CHAF1A: variants seen among roughly 807,000 people sequenced by gnomAD.
The protein encoded by CHAF1A is chromatin assembly factor 1 subunit A, also known as CAF-1 subunit A.
In CHAF1A, 5 loss-of-function variants were observed where a neutral mutation model predicts 93.2. The ratio of observed to expected loss-of-function variants is 0.05; its 90% CI spans 0.03 to 0.11. CHAF1A has a LOEUF of 0.11. Ranked by LOEUF, CHAF1A falls within the 10% of genes least tolerant of loss-of-function variation. The pLI, the probability that CHAF1A is intolerant of heterozygous loss-of-function variation, is 1.00. For missense variants in CHAF1A, 1,102 were observed against 1,259.9 expected (o/e 0.87, Z 1.90); for synonymous variants, 504 against 510.3 (o/e 0.99, Z 0.17).
chr19:4,409,452 C>T lies in CHAF1A; in HGVS notation c.653C>T (p.Pro218Leu). Residue 218 changes from proline (P) to leucine (L), a missense_variant, in exon 3 of 15, where the codon CCC (proline) becomes CTC (leucine). Pro to Leu is a moderately conservative substitution (Grantham distance 98). Coordinates refer to ENST00000301280, the MANE Select transcript of CHAF1A (RefSeq NM_005483.3). ...CTGACGAGTGGCCCGAGAATGTGCC[C>T]CAGAAAGGAGCAGGACAGTTGGAGT... ...PELTSGPRMC[P>L]RKEQDSWSEA... is the part of the protein sequence containing the mutation. The T allele has an allele frequency of 2.5e-6, 4 of 1,614,066 alleles. No homozygotes were observed. Among genetic ancestry groups the T allele is most frequent in the Non-Finnish European group, 3.4e-6 (4 of 1,179,994 alleles).
At chr19:4,419,474 G>C (rs1418454114) in intron 4 of CHAF1A, among the ~76,000 whole-genome samples, 2 of 151,914 alleles carry the variant, frequency 1.3e-5, no homozygotes, top group Non-Finnish European at 2.9e-5. Flanking sequence ...CTGTTGCCCA[G>C]GCTGGAGTGT....
At chr19:4,411,805 G>A (rs367989081) in intron 3 of CHAF1A, among the ~76,000 whole-genome samples, 139 of 151,594 alleles carry the variant, frequency 9.2e-4, no homozygotes, top group Middle Eastern at 3.4e-3. Flanking sequence ...CCACCACCAC[G>A]CCTGGCTAAT....
chr19:4,413,242 T>C (rs1407472667), intron 3 of CHAF1A, among the ~76,000 whole-genome samples: 1 of 152,080 alleles, frequency 6.6e-6, no homozygotes, highest in African/African-American at 2.4e-5. Flanking sequence ...CAGCTAATTT[T>C]TGTATTTTTA....
intron 8 of CHAF1A, 28 bp downstream of exon 8, chr19:4,428,918 C>A: frequency 1.3e-6 from 2 of 1,583,456 alleles, no homozygotes; most frequent in Admixed American, 1.7e-5. Flanking sequence ...TCGGCCTTCA[C>A]CCACTAGTGA....
Position 4,409,658 on chromosome 19 carries a change from C to T in CHAF1A, c.859C>T (p.Leu287=). The change falls in exon 3 of 15, where the codon CTG becomes TTG. Residue 287 remains leucine, a synonymous_variant. Coordinates refer to ENST00000301280, the MANE Select transcript of CHAF1A (RefSeq NM_005483.3). ...AGACTCTGTACTCAGCCATTCGTCC[C>T]TGAGCTCTCCCTCTTCCACCAGCTC... is the stretch of plus-strand genomic sequence containing the variant. ...EEDSVLSHSS[L]SSPSSTSSPE... 1 of 1,614,196 alleles carries T rather than the reference C, an allele frequency of 6.2e-7. No homozygotes were observed. Among genetic ancestry groups the T allele is most frequent in the Non-Finnish European group, 8.5e-7 (1 of 1,180,042 alleles).
chr19:4,447,686 G>A (rs1345680463), downstream of CHAF1A: 1 of 1,549,614 alleles, frequency 6.5e-7, no homozygotes, highest in African/African-American at 1.4e-5. Context: ...GCCCCTCTGT[G>A]CCTCCTGCTC....
rs1973737506 is a variant in CHAF1A at position 4,408,971 on chromosome 19, G to C, written c.172G>C (p.Gly58Arg). Reference protein sequence around the residue: ...GKADDMSDDQGTSVQSKSPDL... With the variant: ...GKADDMSDDQRTSVQSKSPDL... ...AGCCGATGACATGTCAGACGATCAG[G>C]GTACTTCTGTGCAAAGTAAAAGCCC... is the stretch of plus-strand genomic sequence containing the variant. The change falls in exon 3 of 15, where the codon GGT (glycine) becomes CGT (arginine). Residue 58 changes from glycine (G) to arginine (R), a missense_variant. Around this residue, in one of 6 missense-constraint regions of CHAF1A, gnomAD observed 379 missense variants for 365.7 expected, o/e 1.04. Transcript: ENST00000301280. 4 of 1,614,178 alleles carry C rather than the reference G, an allele frequency of 2.5e-6. No homozygotes were observed. Among genetic ancestry groups the C allele is most frequent in the Non-Finnish European group, 3.4e-6 (4 of 1,180,036 alleles).
intron 10 of CHAF1A, among the ~76,000 whole-genome samples, chr19:4,430,296 G>A (rs1974157917): frequency 6.6e-6 from 1 of 152,144 alleles, no homozygotes; most frequent in Non-Finnish European, 1.5e-5. Flanking sequence ...TCCTGCCCCA[G>A]CCTCCCTAGT....
At chr19:4,448,851 TC>T (rs1457158291), downstream of CHAF1A, 4 of 186,412 alleles carry the variant, frequency 2.1e-5, no homozygotes, top group African/African-American at 9.4e-5. Flanking sequence ...CTCCCGGGCC[TC>T]ATGTTTACAA....
chr19:4,406,134 A>G (rs931890771), intron 2 of CHAF1A, among the ~76,000 whole-genome samples, 172 bp downstream of exon 2: 1 of 152,196 alleles, frequency 6.6e-6, no homozygotes, highest in Non-Finnish European at 1.5e-5. Flanking sequence ...GGTTCCCACA[A>G]GTAAACCCCG....
intron 3 of CHAF1A, among the ~76,000 whole-genome samples, chr19:4,410,459 C>T (rs1246676847): frequency 1.3e-5 from 2 of 150,460 alleles, no homozygotes; most frequent in Admixed American, 1.3e-4. Flanking sequence ...CGGCTCACTG[C>T]AACCTCCACC....
chr19:4,422,533 G>A lies in CHAF1A; in HGVS notation c.1018-33G>A. On this transcript the variant is annotated intron_variant, in intron 4 of 14. Coordinates refer to ENST00000301280, the MANE Select transcript of CHAF1A (RefSeq NM_005483.3). The surrounding 1 kb of genome is among the most constrained non-coding windows in gnomAD (Gnocchi z 4.6). ...AGCTTCCTCCTGGGAGTTGGAGGGAGGGCCACCTGTCACTTGCCACACTGT... is the reference window on the plus strand; with the variant it reads ...AGCTTCCTCCTGGGAGTTGGAGGGAAGGCCACCTGTCACTTGCCACACTGT... 1 of 1,544,626 alleles carries A rather than the reference G, an allele frequency of 6.5e-7. No individual in the cohort carries two copies. Among genetic ancestry groups the A allele is most frequent in the Non-Finnish European group, 8.8e-7 (1 of 1,140,494 alleles).
At chr19:4,421,181 T>C (rs1370127946) in intron 4 of CHAF1A, among the ~76,000 whole-genome samples, 2 of 152,144 alleles carry the variant, frequency 1.3e-5, no homozygotes, top group African/African-American at 2.4e-5. Flanking sequence ...AAGCGATCCT[T>C]GTGCCTCAGA....
chr19:4,417,735 A>G (rs972975967), intron 3 of CHAF1A, among the ~76,000 whole-genome samples: 1 of 152,156 alleles, frequency 6.6e-6, no homozygotes, highest in East Asian at 1.9e-4. Flanking sequence ...TGCTGGAATT[A>G]CAGGCGTTAG....
chr19:4,435,178 CCT>C, intron 13 of CHAF1A, among the ~76,000 whole-genome samples: 1 of 149,398 alleles, frequency 6.7e-6, no homozygotes, highest in Non-Finnish European at 1.5e-5. Context: ...GCAAGCTCCG[CCT>C]CCCGGGTTCA....
chr19:4,414,559 G>A (rs949441887), intron 3 of CHAF1A, among the ~76,000 whole-genome samples: 2 of 152,108 alleles, frequency 1.3e-5, no homozygotes, highest in Non-Finnish European at 2.9e-5. Context: ...GTTTCCTTGT[G>A]TATGACATAT....
At chr19:4,416,289 C>G (rs535810529) in intron 3 of CHAF1A, among the ~76,000 whole-genome samples, 11 of 152,336 alleles carry the variant, frequency 7.2e-5, no homozygotes, top group African/African-American at 2.6e-4. Context: ...TGCAATGAAC[C>G]CGGAGAACTA....
rs576254149 is a variant in CHAF1A at position 4,420,860 on chromosome 19, C to T, written c.1018-1706C>T. Among the ~76,000 whole-genome samples the T allele has an allele frequency of 3.3e-5, 5 of 152,046 alleles. No individual in the cohort carries two copies. The East Asian group carries it at 5.8e-4, about 18-fold the overall frequency. ...GGCTGAGGTGGACAGATTGCTTGAG[C>T]GCAGGAGTTAAAGATCAGTCTGGGC... is the stretch of plus-strand genomic sequence containing the variant. On this transcript the variant is annotated intron_variant, in intron 4 of 14. Coordinates refer to ENST00000301280, the MANE Select transcript of CHAF1A (RefSeq NM_005483.3).
chr19:4,421,466 G>A (rs1166511065), intron 4 of CHAF1A, among the ~76,000 whole-genome samples: 1 of 152,168 alleles, frequency 6.6e-6, no homozygotes, highest in East Asian at 1.9e-4. Flanking sequence ...ATGGAAGGAA[G>A]CATAATGGAT....
Sources: allele counts gnomAD v4.1 joint callset (sites outside exome capture counted in the v4.1 genomes callset), GRCh38; gene constraint gnomAD v4.1.1; regional missense constraint gnomAD v4.1.1; non-coding constraint Gnocchi (gnomAD v3.1); transcripts MANE v1.5; gene names NCBI Gene and HGNC (gene_info 2026-07-23, HGNC 2026-07-21).